The following KCTD16 variants were observed in gnomAD, a reference collection of about 807,000 sequenced individuals.
KCTD16 encodes the protein potassium channel tetramerization domain containing 16.
Under a neutral mutation model 33.2 loss-of-function variants are expected in KCTD16, and 13 were observed. The ratio of observed to expected loss-of-function variants is 0.39; its 90% CI spans 0.25 to 0.62. The LOEUF (loss-of-function observed/expected upper bound fraction) is 0.62. Among genes scored for constraint, KCTD16 ranks in the 20% least tolerant of loss-of-function variants. The pLI is 0.50. For missense variants in KCTD16, 441 were observed against 525.1 expected (o/e 0.84, Z 1.57); for synonymous variants, 197 against 195.3 (o/e 1.01, Z -0.07).
At chr5:144,314,427 T>A (rs1479699326) in intron 3 of KCTD16, among the ~76,000 whole-genome samples, 1 of 151,952 alleles carries the variant, frequency 6.6e-6, no homozygotes, top group Non-Finnish European at 1.5e-5. Flanking sequence ...GTTCATGGAG[T>A]CTACATGCTT....
chr5:144,171,683 C>T (rs993116143), intron 1 of KCTD16, among the ~76,000 whole-genome samples: 3 of 152,098 alleles, frequency 2.0e-5, no homozygotes, highest in African/African-American at 4.8e-5. Context: ...AATTTGTCAA[C>T]CACTCTTCTA....
At chr5:144,215,132 T>C (rs1561531998) in intron 3 of KCTD16, among the ~76,000 whole-genome samples, 2 of 152,166 alleles carry the variant, frequency 1.3e-5, no homozygotes, top group Non-Finnish European at 2.9e-5. Context: ...TACATACTAG[T>C]TGGATTTCTC....
At position 144,178,969 on chromosome 5, in the gene KCTD16, C is replaced by T. The variant is rs115917750; in HGVS notation, c.-327+4497C>T. 7.6e-3 allele frequency among the ~76,000 whole-genome samples: 1,164 copies of T among 152,246 alleles called. 18 individuals are homozygous for T. Among genetic ancestry groups the T allele is most frequent in the African/African-American group, 0.026 (1,075 of 41,526 alleles). On this transcript the variant is annotated intron_variant, in intron 2 of 3. Coordinates refer to ENST00000512467, the MANE Select transcript of KCTD16 (RefSeq NM_020768.4). ...TCTTCATAGAACAATCAGGACAGCACGTGCATCAGAAAATGACCAAAACAC... is the reference window on the plus strand; with the variant it reads ...TCTTCATAGAACAATCAGGACAGCATGTGCATCAGAAAATGACCAAAACAC...
At chr5:144,172,834 C>T (rs1752423919) in intron 1 of KCTD16, among the ~76,000 whole-genome samples, 1 of 152,174 alleles carries the variant, frequency 6.6e-6, no homozygotes, top group Admixed American at 6.5e-5. Flanking sequence ...AATAATCCAT[C>T]ATTATCTATT....
At chr5:144,299,246 C>G (rs1418106999) in intron 3 of KCTD16, among the ~76,000 whole-genome samples, 1 of 146,156 alleles carries the variant, frequency 6.8e-6, no homozygotes, top group Non-Finnish European at 1.5e-5. Context: ...TCTTCAACCT[C>G]TTTCATTTTC....
At chr5:144,274,467 T>C (rs1755388948) in intron 3 of KCTD16, among the ~76,000 whole-genome samples, 1 of 152,174 alleles carries the variant, frequency 6.6e-6, no homozygotes, top group African/African-American at 2.4e-5. Context: ...AAATAAGATA[T>C]ATAACATTTT....
intron 3 of KCTD16, among the ~76,000 whole-genome samples, chr5:144,299,135 TATATATATATA>T (rs1561558740): frequency 9.0e-4 from 30 of 33,154 alleles, no homozygotes; most frequent in African/African-American, 5.3e-3. Flanking sequence ...TATATATATA[TATATATATATA>T]TATTTTTTTT....
intron 3 of KCTD16, among the ~76,000 whole-genome samples, chr5:144,339,052 CA>C (rs1554088506): frequency 1.5e-5 from 1 of 68,684 alleles, no homozygotes; most frequent in South Asian, 2.8e-4. Flanking sequence ...GACACATCCA[CA>C]CACAGGACAA....
intron 3 of KCTD16, among the ~76,000 whole-genome samples, chr5:144,416,862 G>A (rs1753065630): frequency 6.6e-6 from 1 of 151,978 alleles, no homozygotes; most frequent in Non-Finnish European, 1.5e-5. Flanking sequence ...TATAAATGAG[G>A]TCAAAACTAT....
intron 3 of KCTD16, among the ~76,000 whole-genome samples, chr5:144,468,213 T>G (rs542454735): frequency 2.4e-4 from 37 of 152,332 alleles, no homozygotes; most frequent in Non-Finnish European, 4.4e-4. Context: ...GCATTTTCTT[T>G]TACTTGTCTC....
intron 3 of KCTD16, among the ~76,000 whole-genome samples, chr5:144,272,978 C>T (rs1447344182): frequency 5.9e-5 from 9 of 152,004 alleles, no homozygotes; most frequent in African/African-American, 9.7e-5. Flanking sequence ...AAAATATATA[C>T]TCCATGAAAA....
intron 2 of KCTD16, among the ~76,000 whole-genome samples, chr5:144,179,503 T>C (rs950483193): frequency 2.6e-5 from 4 of 152,206 alleles, no homozygotes; most frequent in African/African-American, 9.6e-5. Context: ...ATGTGATTAA[T>C]AAACTGCTGC....
At chr5:144,197,279 A>G (rs2126783508) in intron 2 of KCTD16, among the ~76,000 whole-genome samples, 1 of 152,336 alleles carries the variant, frequency 6.6e-6, no homozygotes, top group East Asian at 1.9e-4. Flanking sequence ...AAGCTTTTAA[A>G]TTCTGGAACA....
chr5:144,267,396 T>C lies in KCTD16; in HGVS notation c.832+59850T>C, dbSNP rs149682276. ...AAATGGAAGGCACATAGGGAAAGAC[T>C]GGGGCATGGGAAGCACTTTAAAATG... is the stretch of plus-strand genomic sequence containing the variant. On this transcript the variant is annotated intron_variant, in intron 3 of 3. Coordinates refer to ENST00000512467, the MANE Select transcript of KCTD16 (RefSeq NM_020768.4). 3.9e-3 allele frequency among the ~76,000 whole-genome samples: 590 copies of C among 151,010 alleles called. 3 individuals carry two copies. Among genetic ancestry groups the C allele is most frequent in the Middle Eastern group, 0.01 (3 of 294 alleles).
At chr5:144,392,336 G>A (rs1220804556) in intron 3 of KCTD16, among the ~76,000 whole-genome samples, 1 of 152,164 alleles carries the variant, frequency 6.6e-6, no homozygotes, top group Non-Finnish European at 1.5e-5. Context: ...GTGAGTAGAA[G>A]GATCTGAGGG....
chr5:144,207,578 G>A, intron 3 of KCTD16, 32 bp downstream of exon 3: 1 of 1,449,922 alleles, frequency 6.9e-7, no homozygotes, highest in South Asian at 1.2e-5. Context: ...AATTTTTTAT[G>A]TGTGTCAATG....
chr5:144,398,891 C>T (rs571347864), intron 3 of KCTD16, among the ~76,000 whole-genome samples: 1 of 152,126 alleles, frequency 6.6e-6, no homozygotes, highest in African/African-American at 2.4e-5. Context: ...TTGGTACTTC[C>T]TTGCATTTAC....
chr5:144,315,514 A>G (rs1450230558), intron 3 of KCTD16, among the ~76,000 whole-genome samples: 1 of 152,196 alleles, frequency 6.6e-6, no homozygotes, highest in Non-Finnish European at 1.5e-5. Context: ...GTTCCCTGGA[A>G]TCTCATCCCA....
chr5:144,320,459 G>T (rs1482542521), intron 3 of KCTD16, among the ~76,000 whole-genome samples: 1 of 152,122 alleles, frequency 6.6e-6, no homozygotes, highest in Non-Finnish European at 1.5e-5. Flanking sequence ...GAAATGAGGT[G>T]CCTACCACTG....
Sources: allele counts gnomAD v4.1 joint callset (sites outside exome capture counted in the v4.1 genomes callset), GRCh38; gene constraint gnomAD v4.1.1; transcripts MANE v1.5; gene names NCBI Gene and HGNC (gene_info 2026-07-23, HGNC 2026-07-21).